The following DPP6 variants were observed in gnomAD, a reference collection of about 807,000 sequenced individuals.
The protein encoded by DPP6 is A-type potassium channel modulatory protein DPP6.
In DPP6, 69 loss-of-function variants were observed where a neutral mutation model predicts 122.6. That is an observed-to-expected ratio of 0.56 (90% CI 0.46 to 0.69). DPP6 has a LOEUF of 0.69. Ranked by LOEUF, DPP6 falls within the 30% of genes least tolerant of loss-of-function variation. The probability of loss-of-function intolerance (pLI) is 0.00; values close to 1 mark genes in which losing one functional copy is unlikely to be tolerated. For synonymous variants in DPP6, 418 were observed against 433.1 expected, an observed-to-expected ratio of 0.97 and a Z score of 0.43; for missense variants, 928 against 1,116.9, an observed-to-expected ratio of 0.83 and a Z score of 2.41.
intron 1 of DPP6, among the ~76,000 whole-genome samples, chr7:154,427,309 A>G (rs534842506): frequency 6.6e-6 from 1 of 152,368 alleles, no homozygotes; most frequent in East Asian, 1.9e-4. Context: ...TTTTAACCAT[A>G]GTTTTTGTGG....
intron 10 of DPP6, among the ~76,000 whole-genome samples, chr7:154,788,525 T>G (rs895655997): frequency 1.3e-5 from 2 of 152,038 alleles, no homozygotes; most frequent in Admixed American, 6.6e-5. Flanking sequence ...TATTAAACAT[T>G]AAGTATTAGC....
chr7:154,631,101 A>G (rs544490411), intron 5 of DPP6, among the ~76,000 whole-genome samples: 7 of 152,372 alleles, frequency 4.6e-5, no homozygotes, highest in Admixed American at 4.6e-4. Context: ...CAGAAGATAC[A>G]TGAAGCATAA....
At chr7:154,113,614 G>A (rs1436598463) in intron 1 of DPP6, among the ~76,000 whole-genome samples, 1 of 152,048 alleles carries the variant, frequency 6.6e-6, no homozygotes, top group African/African-American at 2.4e-5. Context: ...CAAGATTTTT[G>A]CTTTTGTTTC....
chr7:154,140,593 T>C (rs1015457804), intron 1 of DPP6, among the ~76,000 whole-genome samples: 1 of 152,180 alleles, frequency 6.6e-6, no homozygotes, highest in Non-Finnish European at 1.5e-5. Context: ...ACTGCTGGGA[T>C]TACAGGCGTG....
chr7:154,062,730 G>T lies in DPP6; in HGVS notation c.243+9667G>T, dbSNP rs1324763543. ...GGCTGTTGGTACCCCCATCGTAGGG[G>T]GGGGGAGGCACCCTCCGCGAGGCAG... On this transcript the variant is annotated intron_variant, in intron 1 of 25. Transcript: ENST00000377770. 2.4e-4 allele frequency among the ~76,000 whole-genome samples: 15 copies of T among 61,734 alleles called. 1 individual carries two copies. The highest frequency in any genetic ancestry group is 5.2e-4 in the East Asian group (1 of 1,934). The allele number at this position is 61,734 out of a possible 152,430, so 40.5% of individuals were successfully genotyped here.
chr7:154,647,928 G>T (rs1197239886), intron 6 of DPP6, among the ~76,000 whole-genome samples: 1 of 151,968 alleles, frequency 6.6e-6, no homozygotes, highest in Non-Finnish European at 1.5e-5. Flanking sequence ...TCATGTGTGT[G>T]CTGTGCTGTG....
chr7:154,574,614 G>A (rs1831373360), intron 5 of DPP6, among the ~76,000 whole-genome samples: 1 of 103,446 alleles, frequency 9.7e-6, no homozygotes, highest in Non-Finnish European at 2.0e-5. Context: ...TGAGTTTGGG[G>A]TGTATGTGTG....
chr7:154,086,619 T>C (rs1384799050), intron 1 of DPP6, among the ~76,000 whole-genome samples: 4 of 122,938 alleles, frequency 3.3e-5, no homozygotes, highest in Admixed American at 2.7e-4. Flanking sequence ...CAGAGCTTAC[T>C]CTTTTTTTTT....
chr7:153,963,851 G>A (rs1026794987), intron 1 of DPP6, among the ~76,000 whole-genome samples: 1 of 152,188 alleles, frequency 6.6e-6, no homozygotes, highest in African/African-American at 2.4e-5. Flanking sequence ...TTTGGGGACT[G>A]CTGCTGTAAA....
At chr7:154,156,901 C>T (rs1585510965) in intron 1 of DPP6, among the ~76,000 whole-genome samples, 1 of 152,272 alleles carries the variant, frequency 6.6e-6, no homozygotes, top group East Asian at 1.9e-4. Context: ...GCACTTTAAG[C>T]AAACATGTGC....
chr7:154,637,323 G>A (rs918769359), intron 5 of DPP6, among the ~76,000 whole-genome samples: 38 of 152,276 alleles, frequency 2.5e-4, no homozygotes, highest in African/African-American at 7.5e-4. Flanking sequence ...TGCATATCCC[G>A]TTGTACAGGG....
the DPP6 span, among the ~76,000 whole-genome samples, chr7:153,754,096 CT>C: frequency 6.6e-6 from 1 of 152,114 alleles, no homozygotes. Context: ...ATTTAATAGC[CT>C]TCTTACCTTC....
chr7:154,585,449 A>T (rs1166520861), intron 5 of DPP6, among the ~76,000 whole-genome samples: 4 of 152,184 alleles, frequency 2.6e-5, no homozygotes, highest in Non-Finnish European at 1.5e-5. Context: ...ACTTGCGAGG[A>T]TCAAGAAAGA....
chr7:154,468,295 G>A (rs992590859), intron 2 of DPP6, among the ~76,000 whole-genome samples: 33 of 152,176 alleles, frequency 2.2e-4, no homozygotes, highest in African/African-American at 4.3e-4. Flanking sequence ...TTTTGGTTGC[G>A]AAGAGCTGAA....
At chr7:153,762,444 A>G in the DPP6 span, among the ~76,000 whole-genome samples, 5 of 152,136 alleles carry the variant, frequency 3.3e-5, no homozygotes, top group Non-Finnish European at 7.4e-5. Flanking sequence ...GGTGTTATTC[A>G]TTGCTTCCCA....
chr7:153,861,737 T>A, the DPP6 span, among the ~76,000 whole-genome samples: 1 of 152,168 alleles, frequency 6.6e-6, no homozygotes. Context: ...GATAAAGAGA[T>A]GTTTACTCAT....
intron 1 of DPP6, among the ~76,000 whole-genome samples, chr7:153,940,333 T>C (rs1186628880): frequency 6.6e-6 from 1 of 152,020 alleles, no homozygotes; most frequent in Non-Finnish European, 1.5e-5. Flanking sequence ...TTGGTGGGAT[T>C]GATATGGACA....
At chr7:154,798,272 A>G (rs1348354963) in intron 12 of DPP6, among the ~76,000 whole-genome samples, 1 of 152,162 alleles carries the variant, frequency 6.6e-6, no homozygotes, top group Non-Finnish European at 1.5e-5. Context: ...AGCTCTACAG[A>G]GTAGCTACAG....
At chr7:154,356,636 T>C (rs892795263) in intron 1 of DPP6, among the ~76,000 whole-genome samples, 1 of 152,118 alleles carries the variant, frequency 6.6e-6, no homozygotes, top group Non-Finnish European at 1.5e-5. Context: ...GACAATTCTA[T>C]CTAAGAAGTT....
Sources: gnomAD v4.1 joint callset for allele counts (sites outside exome capture counted in the v4.1 genomes callset) on GRCh38, gnomAD v4.1.1 for gene constraint, MANE v1.5 for transcripts, NCBI Gene and HGNC (gene_info 2026-07-23, HGNC 2026-07-21) for gene names.